USP10: variants seen among roughly 807,000 people sequenced by gnomAD.
USP10 encodes the protein ubiquitin specific peptidase 10.
A neutral mutation model predicts 84.5 loss-of-function variants in USP10; 22 were observed. The ratio of observed to expected loss-of-function variants is 0.26; its 90% CI spans 0.19 to 0.37. The LOEUF (loss-of-function observed/expected upper bound fraction) is 0.37, where lower values mean the gene tolerates loss of function less well. Ranked by LOEUF, USP10 falls within the 10% of genes least tolerant of loss-of-function variation. The pLI is 1.00. For synonymous variants in USP10, 454 were observed against 387.6 expected, an observed-to-expected ratio of 1.17 and a Z score of -2.01; for missense variants, 1,019 against 998.9, an observed-to-expected ratio of 1.02 and a Z score of -0.27.
intron 4 of USP10, among the ~76,000 whole-genome samples, chr16:84,748,506 G>A (rs1030975098): frequency 6.6e-6 from 1 of 152,002 alleles, no homozygotes; most frequent in African/African-American, 2.4e-5. Context: ...GTTTCACCAT[G>A]TTGGCCAGGC....
intron 4 of USP10, among the ~76,000 whole-genome samples, chr16:84,750,566 T>G (rs60830776): frequency 2.6e-5 from 4 of 152,122 alleles, no homozygotes; most frequent in Non-Finnish European, 5.9e-5. Context: ...ACATGTGACG[T>G]TTGAAATTGA....
chr16:84,720,982 C>A (rs1315575281), intron 1 of USP10, among the ~76,000 whole-genome samples: 17 of 151,378 alleles, frequency 1.1e-4, no homozygotes, highest in African/African-American at 3.9e-4. Context: ...CAACCTCCGC[C>A]TGCCGTATTC....
intron 1 of USP10, among the ~76,000 whole-genome samples, chr16:84,708,614 C>T (rs371486448): frequency 1.2e-4 from 19 of 152,320 alleles, no homozygotes; most frequent in African/African-American, 3.6e-4. Context: ...TTTTCTCCAT[C>T]TTCTTCAAAA....
At chr16:84,725,096 T>C (rs1440842197) in intron 1 of USP10, among the ~76,000 whole-genome samples, 1 of 152,344 alleles carries the variant, frequency 6.6e-6, no homozygotes, top group Admixed American at 6.5e-5. Context: ...TGGTTTTTAG[T>C]GTATTCACAA....
chr16:84,713,132 AGTTT>A (rs1906526976), intron 1 of USP10, among the ~76,000 whole-genome samples: 1 of 152,160 alleles, frequency 6.6e-6, no homozygotes, highest in African/African-American at 2.4e-5. Flanking sequence ...TGCCACAGTT[AGTTT>A]ATCTTTCCCC....
intron 9 of USP10, among the ~76,000 whole-genome samples, chr16:84,763,400 C>A (rs1011812324): frequency 6.6e-6 from 1 of 152,210 alleles, no homozygotes; most frequent in East Asian, 1.9e-4. Context: ...TGATGCTATA[C>A]ACACACTGTG....
chr16:84,754,144 C>T (rs1283315110), intron 4 of USP10, among the ~76,000 whole-genome samples: 1 of 152,092 alleles, frequency 6.6e-6, no homozygotes, highest in East Asian at 1.9e-4. Flanking sequence ...ATCAGGTAGG[C>T]AGTGATGAGG....
At chr16:84,778,827 G>A (rs959356821) in intron 13 of USP10, 68 bp from the exon 14 acceptor site, 12 of 1,474,084 alleles carry the variant, frequency 8.1e-6, no homozygotes, top group African/African-American at 2.8e-5. Context: ...GAGGGAAGTC[G>A]GCGGAGACCT....
At chr16:84,762,867 T>C in intron 8 of USP10, 122 bp from the exon 9 acceptor site, 2 of 567,140 alleles carry the variant, frequency 3.5e-6, no homozygotes, top group Non-Finnish European at 6.3e-6. Flanking sequence ...TGTCATTGTT[T>C]GGAAATACTT....
At chr16:84,750,404 CAA>C (rs71151245) in intron 4 of USP10, among the ~76,000 whole-genome samples, 13 of 106,254 alleles carry the variant, frequency 1.2e-4, no homozygotes, top group African/African-American at 1.8e-4. Flanking sequence ...GAGACTGTCT[CAA>C]AAAAAAAAAA....
At chr16:84,729,281 C>G (rs955479919) in intron 1 of USP10, among the ~76,000 whole-genome samples, 5 of 152,192 alleles carry the variant, frequency 3.3e-5, no homozygotes, top group Non-Finnish European at 5.9e-5. Flanking sequence ...CTTACTTTGC[C>G]AAGAAAGAAA....
rs750626065 is a variant in USP10 at position 84,744,944 on chromosome 16, C to T, written c.463C>T (p.Arg155Trp). 8.7e-6 allele frequency: 14 copies of T among 1,613,616 alleles called. No individual in the cohort carries two copies. Among genetic ancestry groups the T allele is most frequent in the South Asian group, 1.1e-5 (1 of 91,080 alleles). ...AAGGGAGCGTAAAAAGAAGAAAAAGCGGCCACCTGGATATTACAGCTATTT... is the reference window on the plus strand; with the variant it reads ...AAGGGAGCGTAAAAAGAAGAAAAAGTGGCCACCTGGATATTACAGCTATTT... ...GQRERKKKKK[R>W]PPGYYSYLKD... The change falls in exon 4 of 14, where the codon CGG (arginine) becomes TGG (tryptophan). Residue 155 changes from arginine (R) to tryptophan (W), a missense_variant. Physicochemically the swap from Arg to Trp is moderately radical, Grantham distance 101. This residue lies in a region of USP10 where 787 missense variants were observed against 708.8 expected (regional missense o/e 1.11). Coordinates refer to ENST00000219473, the MANE Select transcript of USP10 (RefSeq NM_005153.3).
rs202025437 is a variant in USP10, at chr16:84,740,333, C to G, written c.115C>G (p.Leu39Val). 1.9e-6 allele frequency: 3 copies of G among 1,613,018 alleles called. No individual in the cohort carries two copies. Among genetic ancestry groups the G allele is most frequent in the African/African-American group, 1.3e-5 (1 of 75,032 alleles). ...GCTTCCTCCATACAGTGGAACAGTT[C>G]TGTGTGGCACACAGGCTGTGGATAA... ...VELPPYSGTVLCGTQAVDKLP... is the reference protein window; with the variant it reads ...VELPPYSGTVVCGTQAVDKLP... The change falls in exon 3 of 14, where the codon CTG becomes GTG. Residue 39 changes from leucine (L) to valine (V), a missense_variant. This residue lies in a region of USP10 where 787 missense variants were observed against 708.8 expected (regional missense o/e 1.11). Transcript: ENST00000219473.
At chr16:84,764,855 G>A (rs578136389) in intron 10 of USP10, among the ~76,000 whole-genome samples, 1 of 147,936 alleles carries the variant, frequency 6.8e-6, no homozygotes, top group Non-Finnish European at 1.5e-5. Context: ...AAAAGATACA[G>A]GAGAATGTCA....
chr16:84,704,885 G>A, intron 1 of USP10: 2 of 1,535,716 alleles, frequency 1.3e-6, no homozygotes, highest in Non-Finnish European at 1.7e-6. Context: ...TAGAAATGTG[G>A]TTTGGGGCTG....
In USP10 at chr16:84,744,996, C is replaced by A; in HGVS notation, c.515C>A (p.Ser172Tyr). 1 of 1,613,812 alleles carries A rather than the reference C, an allele frequency of 6.2e-7. No individual in the cohort carries two copies. The highest frequency in any genetic ancestry group is 8.5e-7 in the Non-Finnish European group (1 of 1,179,730). The change falls in exon 4 of 14, where the codon TCC becomes TAC. Residue 172 changes from serine (S) to tyrosine (Y), a missense_variant. Physicochemically the swap from Ser to Tyr is moderately radical, Grantham distance 144. Transcript: ENST00000219473. ...AAAGATGGTGGCGATGATAGTATCT[C>A]CACAGAAGCCCTGGTCAATGGCCAT... is the stretch of plus-strand genomic sequence containing the variant. ...YLKDGGDDSI[S>Y]TEALVNGHAN...
rs772681170 is a variant in USP10, at chr16:84,768,211, G to C, written c.1851G>C (p.Gln617His). The change falls in exon 11 of 14, where the codon CAG becomes CAC. Residue 617 changes from glutamine (Q) to histidine (H), a missense_variant. This residue lies in a region of USP10 where 232 missense variants were observed against 290.1 expected (regional missense o/e 0.80). Coordinates refer to ENST00000219473, the MANE Select transcript of USP10 (RefSeq NM_005153.3). The part of the protein sequence containing the change: ...GGHIRSVVYQ[Q>H]SSKESATLQP... ...TTCTTAGGTCTGTGGTTTACCAGCA[G>C]AGTTCAAAAGAATCTGCCACTTTGC... 4 of 1,593,950 alleles carry C rather than the reference G, an allele frequency of 2.5e-6. No individual in the cohort carries two copies. Among genetic ancestry groups the C allele is most frequent in the African/African-American group, 2.7e-5 (2 of 74,642 alleles).
intron 4 of USP10, among the ~76,000 whole-genome samples, chr16:84,752,450 A>ATCC (rs1246195479): frequency 1.3e-5 from 2 of 152,212 alleles, no homozygotes; most frequent in African/African-American, 4.8e-5. Context: ...CCTGCCCTCT[A>ATCC]TCCTTGGTGG....
chr16:84,719,403 C>A (rs1483807754), intron 1 of USP10, among the ~76,000 whole-genome samples: 1 of 152,176 alleles, frequency 6.6e-6, no homozygotes, highest in African/African-American at 2.4e-5. Flanking sequence ...TAAACTCCAA[C>A]TGTAAGTCAG....
Sources: gnomAD v4.1 joint callset for allele counts (sites outside exome capture counted in the v4.1 genomes callset) on GRCh38, gnomAD v4.1.1 for gene constraint, gnomAD v4.1.1 regional missense constraint, MANE v1.5 for transcripts, NCBI Gene and HGNC (gene_info 2026-07-23, HGNC 2026-07-21) for gene names.